The following ADAM7 variants were observed in gnomAD, a reference collection of about 807,000 sequenced individuals.
The protein encoded by ADAM7 is disintegrin and metalloproteinase domain-containing protein 7.
ADAM7 carries 97 observed loss-of-function variants against 102.9 expected under a neutral mutation model. The ratio of observed to expected loss-of-function variants is 0.94; its 90% CI spans 0.80 to 1.12. The LOEUF is 1.12. ADAM7 is among the 50% of genes most tolerant of loss of function. The probability of loss-of-function intolerance (pLI) is 0.00; values close to 1 mark genes in which losing one functional copy is unlikely to be tolerated. For synonymous variants in ADAM7, 334 were observed against 304.4 expected (o/e 1.10, Z -1.01); for missense variants, 991 against 908.7 (o/e 1.09, Z -1.16).
chr8:24,497,588 T>C (rs949145213), intron 16 of ADAM7, among the ~76,000 whole-genome samples: 18 of 150,336 alleles, frequency 1.2e-4, no homozygotes, highest in African/African-American at 3.7e-4. Flanking sequence ...GGAAATAGAG[T>C]TCTAAAAAAT....
intron 3 of ADAM7, among the ~76,000 whole-genome samples, chr8:24,456,270 C>T (rs1204130002): frequency 6.6e-6 from 1 of 152,172 alleles, no homozygotes; most frequent in African/African-American, 2.4e-5. Context: ...ATAATGTTCT[C>T]CAATTCCACA....
At chr8:24,493,833 C>A (rs887232853) in intron 16 of ADAM7, among the ~76,000 whole-genome samples, 1 of 152,092 alleles carries the variant, frequency 6.6e-6, no homozygotes, top group Non-Finnish European at 1.5e-5. Flanking sequence ...CAAAAAATGC[C>A]TGCACAATAT....
chr8:24,467,938 G>A (rs538299651), intron 6 of ADAM7, among the ~76,000 whole-genome samples: 46 of 152,108 alleles, frequency 3.0e-4, no homozygotes, highest in African/African-American at 6.3e-4. Flanking sequence ...AGTGGTGTGC[G>A]CCTGTAATCC....
chr8:24,466,042 G>A (rs1819413369), intron 5 of ADAM7, among the ~76,000 whole-genome samples: 1 of 152,146 alleles, frequency 6.6e-6, no homozygotes, highest in Non-Finnish European at 1.5e-5. Flanking sequence ...CATTTAGTCT[G>A]GGCTCTCATT....
chr8:24,500,512 G>C (rs1298652350), intron 18 of ADAM7, among the ~76,000 whole-genome samples: 1 of 152,048 alleles, frequency 6.6e-6, no homozygotes, highest in Non-Finnish European at 1.5e-5. Context: ...ACACACAAGG[G>C]CTTTTCTATA....
intron 3 of ADAM7, among the ~76,000 whole-genome samples, chr8:24,453,238 C>T (rs956157916): frequency 1.3e-5 from 2 of 152,050 alleles, no homozygotes; most frequent in African/African-American, 4.8e-5. Flanking sequence ...TAATATCTTG[C>T]AGAGTGTTTT....
intron 8 of ADAM7, among the ~76,000 whole-genome samples, chr8:24,480,226 A>G (rs929986399): frequency 2.6e-5 from 4 of 152,172 alleles, no homozygotes; most frequent in Admixed American, 2.0e-4. Context: ...CATACATACA[A>G]AATTGTTGCA....
At chr8:24,500,759 T>A in intron 18 of ADAM7, 31 bp from the exon 19 acceptor site, 1 of 1,563,810 alleles carries the variant, frequency 6.4e-7, no homozygotes, top group Non-Finnish European at 8.8e-7. Context: ...ACTGATACCC[T>A]CGATGAAGCC....
At chr8:24,447,937 A>AACACAC (rs55836403) in intron 3 of ADAM7, among the ~76,000 whole-genome samples, 1,758 of 140,636 alleles carry the variant, frequency 0.013, 14 homozygotes, top group East Asian at 0.024. Context: ...TAAATAACAA[A>AACACAC]ACACACACAC....
Position 24,459,405 on chromosome 8 carries a change from A to C in ADAM7, c.234-4477A>C, listed in dbSNP as rs1246183401. 5.3e-5 allele frequency among the ~76,000 whole-genome samples: 8 copies of C among 152,094 alleles called. No homozygotes were observed. In the East Asian group the frequency reaches 1.5e-3, roughly 29 times the overall value. On this transcript the variant is annotated intron_variant, in intron 3 of 21. Transcript: ENST00000175238. ...TAATTTGGGTTCTTCTTATATGATCAATCTAAAAGGGGCTATCAATTGTCG... is the reference window on the plus strand; with the variant it reads ...TAATTTGGGTTCTTCTTATATGATCCATCTAAAAGGGGCTATCAATTGTCG...
chr8:24,455,904 A>G (rs943599824), intron 3 of ADAM7, among the ~76,000 whole-genome samples: 2 of 152,250 alleles, frequency 1.3e-5, no homozygotes, highest in Non-Finnish European at 2.9e-5. Context: ...ATTCATGAAT[A>G]CAATGTGTAA....
chr8:24,468,744 C>A (rs769698902), intron 6 of ADAM7, 23 bp from the exon 7 acceptor site: 1 of 1,608,968 alleles, frequency 6.2e-7, no homozygotes, highest in Non-Finnish European at 8.5e-7. Flanking sequence ...TATACTTCAA[C>A]TGAATTTTCC....
At chr8:24,453,829 G>T (rs2129376672) in intron 3 of ADAM7, among the ~76,000 whole-genome samples, 1 of 152,240 alleles carries the variant, frequency 6.6e-6, no homozygotes, top group East Asian at 1.9e-4. Context: ...ATGGGTTTTT[G>T]GTGTGGATGT....
intron 8 of ADAM7, among the ~76,000 whole-genome samples, chr8:24,479,058 C>T (rs1242821535): frequency 5.3e-5 from 8 of 152,020 alleles, no homozygotes; most frequent in East Asian, 3.9e-4. Flanking sequence ...GTTCCTTTCT[C>T]GACTTTAGGC....
intron 3 of ADAM7, among the ~76,000 whole-genome samples, chr8:24,450,656 A>G (rs964927345): frequency 4.6e-5 from 7 of 151,898 alleles, no homozygotes; most frequent in African/African-American, 1.5e-4. Context: ...TCTCCTGCCT[A>G]ATTGCCCTGG....
At chr8:24,452,276 TGG>T (rs1304722421) in intron 3 of ADAM7, among the ~76,000 whole-genome samples, 2 of 150,552 alleles carry the variant, frequency 1.3e-5, no homozygotes, top group African/African-American at 4.9e-5. Flanking sequence ...TATTATTGTG[TGG>T]GAGTCTAAGT....
intron 7 of ADAM7, among the ~76,000 whole-genome samples, chr8:24,474,486 T>A (rs892454318): frequency 1.3e-5 from 2 of 152,158 alleles, no homozygotes; most frequent in African/African-American, 2.4e-5. Context: ...AGGTTTTCTT[T>A]ATTTAGAGAA....
At chr8:24,455,691 C>G (rs1182218019) in intron 3 of ADAM7, among the ~76,000 whole-genome samples, 1 of 152,210 alleles carries the variant, frequency 6.6e-6, no homozygotes, top group Admixed American at 6.5e-5. Context: ...CAGGCATGCA[C>G]CACTGCACCC....
chr8:24,466,416 C>T (rs769449242), intron 5 of ADAM7, among the ~76,000 whole-genome samples: 3 of 152,144 alleles, frequency 2.0e-5, no homozygotes, highest in Non-Finnish European at 4.4e-5. Context: ...ACAGTTACCA[C>T]ATATTAGTAT....
Sources: allele counts gnomAD v4.1 joint callset (sites outside exome capture counted in the v4.1 genomes callset), GRCh38; gene constraint gnomAD v4.1.1; transcripts MANE v1.5; gene names NCBI Gene and HGNC (gene_info 2026-07-23, HGNC 2026-07-21).